Variants in PLEKHM1 observed in about 807,000 individuals in gnomAD.
PLEKHM1 encodes the protein pleckstrin homology and RUN domain containing M1.
PLEKHM1 carries 28 observed loss-of-function variants against 94.3 expected under a neutral mutation model. That is an observed-to-expected ratio of 0.30 (90% confidence interval 0.22 to 0.41). PLEKHM1 has a LOEUF of 0.41. Among genes scored for constraint, PLEKHM1 ranks in the 10% least tolerant of loss-of-function variants. PLEKHM1 has a pLI of 1.00. For synonymous variants in PLEKHM1, 424 were observed against 581.2 expected, an observed-to-expected ratio of 0.73 and a Z score of 3.89; for missense variants, 907 against 1,358.6, an observed-to-expected ratio of 0.67 and a Z score of 5.22.
chr17:45,445,587 G>A lies in PLEKHM1; in HGVS notation c.2720C>T (p.Ser907Phe), dbSNP rs1156330699. 1 of 1,613,660 alleles carries A rather than the reference G, an allele frequency of 6.2e-7. No individual in the cohort carries two copies. Among genetic ancestry groups the A allele is most frequent in the Non-Finnish European group, 8.5e-7 (1 of 1,179,856 alleles). ...PLINLQMVNA[S>F]LYEHVERMHL... Reference sequence around the variant, plus strand: ...CATCCGCTCCACATGCTCGTACAGAGACGCGTTCACCATCTGCAGGTTGAT... The same window carrying A: ...CATCCGCTCCACATGCTCGTACAGAAACGCGTTCACCATCTGCAGGTTGAT... Residue 907 changes from serine (S) to phenylalanine (F), a missense_variant, in exon 9 of 12, where the codon TCT (serine) becomes TTT (phenylalanine). Physicochemically the swap from Ser to Phe is radical, Grantham distance 155. This residue lies in a region of PLEKHM1 where 254 missense variants were observed against 451.1 expected (regional missense o/e 0.56). Coordinates refer to ENST00000430334, the MANE Select transcript of PLEKHM1 (RefSeq NM_014798.3). This position sits in a 1 kb window ranked among gnomAD's most constrained non-coding sequence, Gnocchi z 4.2.
intron 1 of PLEKHM1, among the ~76,000 whole-genome samples, chr17:45,485,073 A>G (rs2052068661): frequency 6.6e-6 from 1 of 151,658 alleles, no homozygotes; most frequent in Non-Finnish European, 1.5e-5. Context: ...AAGAGCCCTC[A>G]GTCCTGACTA....
At chr17:45,451,286 G>A (rs2050767714) in intron 7 of PLEKHM1, among the ~76,000 whole-genome samples, 1 of 152,252 alleles carries the variant, frequency 6.6e-6, no homozygotes, top group Admixed American at 6.5e-5. Flanking sequence ...GCAGGGGGCA[G>A]GGGAGTGTGC....
chr17:45,451,522 C>T (rs1395284180), intron 7 of PLEKHM1, among the ~76,000 whole-genome samples: 5 of 152,228 alleles, frequency 3.3e-5, no homozygotes, highest in Non-Finnish European at 5.9e-5. Flanking sequence ...CACCAGCTGC[C>T]TCACCCTGAC....
At chr17:45,490,088 C>G (rs1195592717) in intron 1 of PLEKHM1, among the ~76,000 whole-genome samples, 1 of 151,872 alleles carries the variant, frequency 6.6e-6, no homozygotes, top group Admixed American at 6.6e-5. Flanking sequence ...CAGAAGAAAG[C>G]GGTGAGCTCA....
chr17:45,490,231 A>G (rs1168575747), intron 1 of PLEKHM1, among the ~76,000 whole-genome samples: 1 of 149,862 alleles, frequency 6.7e-6, no homozygotes, highest in Non-Finnish European at 1.5e-5. Flanking sequence ...AAAAGGGGAA[A>G]CCTGAATGGT....
At position 45,462,593 on chromosome 17, in the gene PLEKHM1, C is replaced by T. The variant is rs78661623; in HGVS notation, c.1309-4154G>A. 4.7e-3 allele frequency among the ~76,000 whole-genome samples: 714 copies of T among 152,194 alleles called. 5 individuals are homozygous for T. Among genetic ancestry groups the T allele is most frequent in the African/African-American group, 0.016 (678 of 41,534 alleles). On this transcript the variant is annotated intron_variant, in intron 5 of 11. Coordinates refer to ENST00000430334, the MANE Select transcript of PLEKHM1 (RefSeq NM_014798.3). ...GGTTAGGGCCCCTACTGGGATCCCACAATATTCTGTGCTTACCCTCATTCT... is the reference window on the plus strand; with the variant it reads ...GGTTAGGGCCCCTACTGGGATCCCATAATATTCTGTGCTTACCCTCATTCT...
intron 4 of PLEKHM1, 58 bp downstream of exon 4, chr17:45,475,042 G>A (rs2051667663): frequency 6.3e-7 from 1 of 1,578,630 alleles, no homozygotes; most frequent in African/African-American, 1.3e-5. Context: ...AAGGGAGGAG[G>A]AGAGGAAAGA....
chr17:45,489,809 T>G (rs1879585), intron 1 of PLEKHM1, among the ~76,000 whole-genome samples: 18,464 of 152,030 alleles, frequency 0.12, 1,550 homozygotes, highest in Middle Eastern at 0.22. Context: ...GAATGGGAGT[T>G]GGGTCGAGGG....
intron 9 of PLEKHM1, 73 bp from the exon 10 acceptor site, chr17:45,440,299 C>T (rs2050407288): frequency 6.9e-7 from 1 of 1,446,064 alleles, no homozygotes. Flanking sequence ...TTTGTTTACA[C>T]TCCCCTGGCG....
chr17:45,460,940 A>G (rs1296721537), intron 5 of PLEKHM1, among the ~76,000 whole-genome samples: 1 of 152,160 alleles, frequency 6.6e-6, no homozygotes, highest in African/African-American at 2.4e-5. Flanking sequence ...GCTGGAGTGC[A>G]GTGGCACAAT....
At position 45,463,519 on chromosome 17, in the gene PLEKHM1, A is replaced by T. The variant is rs187873930; in HGVS notation, c.1308+4690T>A. 1.2e-4 allele frequency among the ~76,000 whole-genome samples: 18 copies of T among 152,306 alleles called. 1 individual carries two copies. The East Asian group carries it at 3.5e-3, about 29-fold the overall frequency. On this transcript the variant is annotated intron_variant, in intron 5 of 11. Coordinates refer to ENST00000430334, the MANE Select transcript of PLEKHM1 (RefSeq NM_014798.3). Reference sequence around the variant, plus strand: ...GTGATTCTCCTACCTCAGCCTCCTGAGTAGCTGGGATAACAGGCTCACGCC... The same window carrying T: ...GTGATTCTCCTACCTCAGCCTCCTGTGTAGCTGGGATAACAGGCTCACGCC...
rs1394113470 is a variant in PLEKHM1 at position 45,436,613 on chromosome 17, T to G, written c.*1245A>C. ...GACAGAGAGACCAGCAAACCCACAT[T>G]TCCCCGAAGCCTGGAGGGTCTGACC... On this transcript the variant is annotated 3_prime_UTR_variant, in exon 12 of 12. Coordinates refer to ENST00000430334, the MANE Select transcript of PLEKHM1 (RefSeq NM_014798.3). The G allele has an allele frequency of 2.2e-6, 1 of 453,896 alleles. No individual in the cohort carries two copies. The highest frequency in any genetic ancestry group is 2.0e-5 in the African/African-American group (1 of 50,104). The allele number at this position is 453,896 out of a possible 1,614,324, so 28.1% of individuals were successfully genotyped here. A position where few individuals can be genotyped will look rare whatever the true frequency, so the allele number is the denominator to read the frequency against.
intron 4 of PLEKHM1, among the ~76,000 whole-genome samples, chr17:45,471,475 T>C (rs1239634526): frequency 6.6e-6 from 1 of 151,648 alleles, no homozygotes; most frequent in Non-Finnish European, 1.5e-5. Flanking sequence ...AAAACATGTC[T>C]ACCCAGGCTG....
At chr17:45,487,123 G>C (rs1230824024) in intron 1 of PLEKHM1, among the ~76,000 whole-genome samples, 1 of 152,288 alleles carries the variant, frequency 6.6e-6, no homozygotes, top group South Asian at 2.1e-4. Flanking sequence ...TCTTAGCAGG[G>C]GAAAGGTGAC....
chr17:45,458,367 C>G lies in PLEKHM1; in HGVS notation c.1381G>C (p.Asp461His), dbSNP rs1194971098. The change falls in exon 6 of 12, where the codon GAC becomes CAC. Residue 461 changes from aspartate (D) to histidine (H), a missense_variant. By Grantham distance (81) the Asp-to-His change is moderately conservative (BLOSUM62 -1). Around this residue, in one of 3 missense-constraint regions of PLEKHM1, gnomAD observed 477 missense variants for 601.5 expected, o/e 0.79. Transcript: ENST00000430334. ...SREQPLESASDHPIASYRGTP... is the reference protein window; with the variant it reads ...SREQPLESASHHPIASYRGTP... ...CCCCTGTAAGAAGCTATTGGGTGGT[C>G]TGAAGCACTCTCCAGGGGTTGCTCC... 1 of 1,613,974 alleles carries G rather than the reference C, an allele frequency of 6.2e-7. No homozygotes were observed. The highest frequency in any genetic ancestry group is 2.2e-5 in the East Asian group (1 of 44,896).
At chr17:45,462,676 G>A (rs1433791473) in intron 5 of PLEKHM1, among the ~76,000 whole-genome samples, 2 of 152,156 alleles carry the variant, frequency 1.3e-5, no homozygotes, top group East Asian at 1.9e-4. Flanking sequence ...GTGCCTGCCC[G>A]AGTCATACAA....
intron 2 of PLEKHM1, among the ~76,000 whole-genome samples, chr17:45,480,783 G>A (rs547159480): frequency 1.3e-5 from 2 of 152,236 alleles, no homozygotes; most frequent in Admixed American, 6.5e-5. Context: ...AAAATATTCC[G>A]CTGCCTAGAT....
intron 8 of PLEKHM1, 22 bp downstream of exon 8, chr17:45,450,596 G>C: frequency 6.8e-6 from 11 of 1,613,464 alleles, no homozygotes; most frequent in Non-Finnish European, 9.3e-6. Flanking sequence ...TCAGCAGCTG[G>C]GCTGCTGGGC....
At chr17:45,457,309 T>C (rs2050990238) in intron 6 of PLEKHM1, among the ~76,000 whole-genome samples, 1 of 151,400 alleles carries the variant, frequency 6.6e-6, no homozygotes, top group Non-Finnish European at 1.5e-5. Context: ...ATGCCTGTAA[T>C]CCCAGCACTT....
Sources: gnomAD v4.1 joint callset for allele counts (sites outside exome capture counted in the v4.1 genomes callset) on GRCh38, gnomAD v4.1.1 for gene constraint, gnomAD v4.1.1 regional missense constraint, Gnocchi (gnomAD v3.1) non-coding constraint, MANE v1.5 for transcripts, NCBI Gene and HGNC (gene_info 2026-07-23, HGNC 2026-07-21) for gene names.